RALGAPB: variants seen among roughly 807,000 people sequenced by gnomAD.
RALGAPB encodes Ral GTPase activating protein non-catalytic subunit beta.
Under a neutral mutation model 161.1 loss-of-function variants are expected in RALGAPB, and 25 were observed. The ratio of observed to expected loss-of-function variants is 0.16; its 90% confidence interval spans 0.11 to 0.22. The LOEUF is 0.22. RALGAPB is among the 10% of genes least tolerant of loss of function. RALGAPB has a pLI of 1.00. For synonymous variants in RALGAPB, 629 were observed against 626.1 expected (o/e 1.00, Z -0.07); for missense variants, 1,391 against 1,815.2 (o/e 0.77, Z 4.25).
At chr20:38,477,615 T>TA (rs1174917429) in intron 1 of RALGAPB, among the ~76,000 whole-genome samples, 1 of 152,098 alleles carries the variant, frequency 6.6e-6, no homozygotes, top group Non-Finnish European at 1.5e-5. Flanking sequence ...TGGTGCACCT[T>TA]AAAAAAAGCA....
At chr20:38,507,636 C>T (rs2085802058) in intron 5 of RALGAPB, among the ~76,000 whole-genome samples, 1 of 152,116 alleles carries the variant, frequency 6.6e-6, no homozygotes, top group South Asian at 2.1e-4. Flanking sequence ...GACTTGGCCT[C>T]CCAGAGTGCT....
At chr20:38,482,997 C>T (rs1210279547) in intron 1 of RALGAPB, among the ~76,000 whole-genome samples, 4 of 152,146 alleles carry the variant, frequency 2.6e-5, no homozygotes, top group Non-Finnish European at 5.9e-5. Flanking sequence ...AGTGATCCTC[C>T]CACTTCAGCC....
intron 24 of RALGAPB, 106 bp downstream of exon 24, chr20:38,562,803 A>G (rs2087832878): frequency 1.5e-6 from 2 of 1,313,632 alleles, no homozygotes; most frequent in Non-Finnish European, 2.1e-6. Flanking sequence ...ATACAAAACC[A>G]GGCTGGGTAC....
At chr20:38,506,895 C>T (rs1053853306) in intron 5 of RALGAPB, among the ~76,000 whole-genome samples, 1 of 152,064 alleles carries the variant, frequency 6.6e-6, no homozygotes, top group Non-Finnish European at 1.5e-5. Context: ...AAAAATGAAG[C>T]TTTGGAATAT....
rs2088483386 is a variant in RALGAPB, at chr20:38,577,616, T to G, written c.*2649T>G. 6.6e-6 allele frequency: 1 copy of G among 152,022 alleles called. No individual in the cohort carries two copies. Among genetic ancestry groups the G allele is most frequent in the African/African-American group, 2.4e-5 (1 of 41,342 alleles). The allele number at this position is 152,022 out of a possible 1,614,324, so 9.4% of individuals were successfully genotyped here. On this transcript the variant is annotated 3_prime_UTR_variant, in exon 30 of 30. Transcript: ENST00000262879. ...GGCTTTTACCTTGTTAATCCTTTCC[T>G]TATTTAGCTAGCTTTCCTTTTTGTC...
At chr20:38,554,300 C>G (rs1328214035) in intron 22 of RALGAPB, among the ~76,000 whole-genome samples, 1 of 152,058 alleles carries the variant, frequency 6.6e-6, no homozygotes. Context: ...TCTGAGGGGA[C>G]TGGTTTGATG....
chr20:38,498,848 C>G (rs2085502120), intron 4 of RALGAPB, among the ~76,000 whole-genome samples: 1 of 152,216 alleles, frequency 6.6e-6, no homozygotes, highest in Admixed American at 6.5e-5. Flanking sequence ...GTCTCTCTGT[C>G]TCTCTCCCTT....
At position 38,539,024 on chromosome 20, in the gene RALGAPB, A is replaced by G. The variant is rs146385483; in HGVS notation, c.2380-752A>G. Among the ~76,000 whole-genome samples, 402 of 152,366 alleles carry G rather than the reference A, an allele frequency of 2.6e-3. 1 individual carries two copies. The highest frequency in any genetic ancestry group is 9.2e-3 in the African/African-American group (382 of 41,570). On this transcript the variant is annotated intron_variant, in intron 16 of 29. Transcript: ENST00000262879. ...AATAAGTAACTAGATAAATTGTGGT[A>G]TATCCATGCAGTGGACTACTATTCA...
intron 21 of RALGAPB, among the ~76,000 whole-genome samples, chr20:38,552,768 C>G (rs995764453): frequency 6.6e-6 from 1 of 152,198 alleles, no homozygotes; most frequent in African/African-American, 2.4e-5. Flanking sequence ...AATTGCCAGG[C>G]AGTGCAGCTG....
intron 9 of RALGAPB, among the ~76,000 whole-genome samples, chr20:38,518,919 A>G (rs756657367): frequency 1.3e-5 from 2 of 152,224 alleles, no homozygotes; most frequent in African/African-American, 4.8e-5. Flanking sequence ...AACTAATACA[A>G]TGACCAGAAG....
chr20:38,494,196 A>G (rs775114594), intron 3 of RALGAPB, among the ~76,000 whole-genome samples: 2 of 151,964 alleles, frequency 1.3e-5, no homozygotes, highest in Non-Finnish European at 2.9e-5. Context: ...CATCTAACCA[A>G]CTCAAAGGCA....
At chr20:38,501,610 G>C (rs1259156921) in intron 5 of RALGAPB, among the ~76,000 whole-genome samples, 1 of 152,090 alleles carries the variant, frequency 6.6e-6, no homozygotes, top group Non-Finnish European at 1.5e-5. Context: ...CACCATGTTG[G>C]CCAGTCTGGT....
chr20:38,517,490 T>C lies in RALGAPB; in HGVS notation c.1052-16T>C. 1 of 1,280,242 alleles carries C rather than the reference T, an allele frequency of 7.8e-7. No homozygotes were observed. Among genetic ancestry groups the C allele is most frequent in the African/African-American group, 1.6e-5 (1 of 61,440 alleles). The allele number at this position is 1,280,242 out of a possible 1,614,324, so 79.3% of individuals were successfully genotyped here. A position where few individuals can be genotyped will look rare whatever the true frequency, so the allele number is the denominator to read the frequency against. Reference sequence around the variant, plus strand: ...CTATGAAGAATAATTTCATTTGTCTTTTTTTTTTTTTTAAGGTATTTCTAG... The same window carrying C: ...CTATGAAGAATAATTTCATTTGTCTCTTTTTTTTTTTTAAGGTATTTCTAG... On this transcript the variant is annotated splice_polypyrimidine_tract_variant and intron_variant, in intron 7 of 29. Transcript: ENST00000262879.
intron 9 of RALGAPB, among the ~76,000 whole-genome samples, chr20:38,519,438 G>GT (rs2123104785): frequency 6.6e-6 from 1 of 151,914 alleles, no homozygotes; most frequent in Non-Finnish European, 1.5e-5. Context: ...TAACTTTTGG[G>GT]TATAGAGCTG....
chr20:38,473,274 T>G (rs1205829332), intron 1 of RALGAPB, among the ~76,000 whole-genome samples: 1 of 151,748 alleles, frequency 6.6e-6, no homozygotes. Context: ...TGCTGTCGAG[T>G]CTGTGTAAAC....
chr20:38,566,611 T>TC (rs1367780598), intron 25 of RALGAPB, among the ~76,000 whole-genome samples: 1 of 152,222 alleles, frequency 6.6e-6, no homozygotes, highest in Admixed American at 6.5e-5. Flanking sequence ...TGTACTTATC[T>TC]CCAACCAGAT....
intron 17 of RALGAPB, 119 bp from the exon 18 acceptor site, chr20:38,540,922 T>A (rs2086944945): frequency 9.6e-7 from 1 of 1,041,858 alleles, no homozygotes; most frequent in African/African-American, 1.6e-5. Context: ...TTAAAGAAAT[T>A]ACCAAGAAAC....
intron 5 of RALGAPB, among the ~76,000 whole-genome samples, chr20:38,503,481 A>G (rs918803748): frequency 6.6e-6 from 1 of 152,222 alleles, no homozygotes; most frequent in Non-Finnish European, 1.5e-5. Flanking sequence ...AGAAGTAGCA[A>G]GAGAACTACA....
chr20:38,518,014 A>G lies in RALGAPB; in HGVS notation c.1417+14A>G. On this transcript the variant is annotated intron_variant, in intron 9 of 29. Transcript: ENST00000262879. ...GCAGCATGACTGGTAAATATTACTC[A>G]AGAAATATGTTATCATTATTTTCCT... is the stretch of plus-strand genomic sequence containing the variant. The G allele has an allele frequency of 6.3e-7, 1 of 1,576,386 alleles. No homozygotes were observed. The highest frequency in any genetic ancestry group is 8.7e-7 in the Non-Finnish European group (1 of 1,145,948).
Sources: allele counts gnomAD v4.1 joint callset (sites outside exome capture counted in the v4.1 genomes callset), GRCh38; gene constraint gnomAD v4.1.1; transcripts MANE v1.5; gene names NCBI Gene and HGNC (gene_info 2026-07-23, HGNC 2026-07-21).